Variants in KCNT2 observed in about 807,000 individuals in gnomAD.
The protein encoded by KCNT2 is potassium sodium-activated channel subfamily T member 2, also known as potassium channel subfamily T member 2.
KCNT2 carries 67 observed loss-of-function variants against 153.8 expected under a neutral mutation model. That is an observed-to-expected ratio of 0.44 (90% CI 0.36 to 0.53). The LOEUF (loss-of-function observed/expected upper bound fraction) is 0.53. Ranked by LOEUF, KCNT2 falls within the 20% of genes least tolerant of loss-of-function variation. The pLI, the probability that KCNT2 is intolerant of heterozygous loss-of-function variation, is 0.00. For missense variants in KCNT2, 975 were observed against 1,354.8 expected, an observed-to-expected ratio of 0.72 and a Z score of 4.40; for synonymous variants, 500 against 458.8, an observed-to-expected ratio of 1.09 and a Z score of -1.15.
At chr1:196,595,874 T>A (rs1664000796) in intron 1 of KCNT2, among the ~76,000 whole-genome samples, 1 of 151,746 alleles carries the variant, frequency 6.6e-6, no homozygotes, top group Non-Finnish European at 1.5e-5. Context: ...CAAAGTCCAT[T>A]ATATCACTCG....
intron 26 of KCNT2, among the ~76,000 whole-genome samples, chr1:196,252,591 A>C (rs528460522): frequency 6.6e-6 from 1 of 151,628 alleles, no homozygotes; most frequent in African/African-American, 2.4e-5. Flanking sequence ...TGTACTAAAA[A>C]CCACACAATG....
intron 1 of KCNT2, among the ~76,000 whole-genome samples, chr1:196,501,800 C>A (rs1346898996): frequency 1.3e-5 from 2 of 152,054 alleles, no homozygotes; most frequent in Non-Finnish European, 2.9e-5. Context: ...AACAAGTAAG[C>A]CTCCTATCCA....
intron 14 of KCNT2, among the ~76,000 whole-genome samples, chr1:196,351,886 C>A (rs1475302646): frequency 6.6e-6 from 1 of 152,066 alleles, no homozygotes; most frequent in East Asian, 1.9e-4. Flanking sequence ...CCCATCAATA[C>A]CTAATTTATT....
At chr1:196,345,455 G>T (rs1666060485) in intron 14 of KCNT2, among the ~76,000 whole-genome samples, 1 of 152,142 alleles carries the variant, frequency 6.6e-6, no homozygotes, top group African/African-American at 2.4e-5. Context: ...GGAATTCAGG[G>T]AGGGGGAGAA....
At chr1:196,592,564 ATAGT>A (rs1037658950) in intron 1 of KCNT2, among the ~76,000 whole-genome samples, 1 of 147,330 alleles carries the variant, frequency 6.8e-6, no homozygotes, top group South Asian at 2.1e-4. Context: ...ATGTATTTAT[ATAGT>A]TATAGTTTTA....
chr1:196,468,873 T>G (rs1280622617), intron 6 of KCNT2, 121 bp downstream of exon 6: 2 of 665,938 alleles, frequency 3.0e-6, no homozygotes, highest in Non-Finnish European at 5.3e-6. Context: ...AGTATCATGA[T>G]TCTAACCAAA....
intron 13 of KCNT2, among the ~76,000 whole-genome samples, chr1:196,382,402 C>T (rs943940286): frequency 1.2e-4 from 18 of 151,864 alleles, no homozygotes; most frequent in African/African-American, 3.4e-4. Context: ...CCACCGCGCC[C>T]GGCCTGTTTA....
chr1:196,322,400 G>A (rs984360045), intron 19 of KCNT2, among the ~76,000 whole-genome samples: 2 of 151,264 alleles, frequency 1.3e-5, no homozygotes, highest in African/African-American at 2.4e-5. Flanking sequence ...TACATGAATC[G>A]AAACAAAACA....
chr1:196,544,269 T>C (rs969594944), intron 1 of KCNT2, among the ~76,000 whole-genome samples: 4 of 151,966 alleles, frequency 2.6e-5, no homozygotes, highest in African/African-American at 9.7e-5. Context: ...CAAAACAGAC[T>C]ATATAGCCAC....
At chr1:196,527,070 G>A (rs956023316) in intron 1 of KCNT2, among the ~76,000 whole-genome samples, 4 of 152,088 alleles carry the variant, frequency 2.6e-5, no homozygotes, top group Admixed American at 1.3e-4. Flanking sequence ...TCTAACTAAC[G>A]TCTGATGATC....
intron 1 of KCNT2, among the ~76,000 whole-genome samples, chr1:196,582,087 A>T (rs1485045766): frequency 1.3e-5 from 2 of 152,098 alleles, no homozygotes; most frequent in Non-Finnish European, 2.9e-5. Context: ...TGCCAGTACA[A>T]CGCCAACTTT....
chr1:196,313,112 C>A (rs571136735), intron 21 of KCNT2, among the ~76,000 whole-genome samples: 2 of 151,690 alleles, frequency 1.3e-5, no homozygotes, highest in East Asian at 3.9e-4. Context: ...ATTATCATGA[C>A]TGATCATAGA....
At chr1:196,549,725 G>T (rs931500125) in intron 1 of KCNT2, among the ~76,000 whole-genome samples, 1 of 151,916 alleles carries the variant, frequency 6.6e-6, no homozygotes. Flanking sequence ...TATGAGCCAT[G>T]TGGGTCTTTT....
rs377658518 is a variant in KCNT2 at position 196,252,110 on chromosome 1, TTTTA to T, written c.3211+6080_3211+6083del. Among the ~76,000 whole-genome samples the T allele has an allele frequency of 4.7e-4, 72 of 151,886 alleles. No homozygotes were observed. The East Asian group carries it at 0.014, about 29-fold the overall frequency. On this transcript the variant is annotated intron_variant, in intron 26 of 27. Coordinates refer to ENST00000294725, the MANE Select transcript of KCNT2 (RefSeq NM_198503.5). ...TTTTGCTAGTTGTGTTTTCTTATTG[TTTTA>T]TTATCTCTTCCTTCTTTGAAGTGAG...
chr1:196,407,341 A>AC (rs1445569342), intron 12 of KCNT2, among the ~76,000 whole-genome samples: 2 of 151,530 alleles, frequency 1.3e-5, no homozygotes, highest in African/African-American at 4.8e-5. Context: ...CCAGGGATGT[A>AC]CATCTGTCAA....
intron 21 of KCNT2, among the ~76,000 whole-genome samples, chr1:196,309,420 A>T (rs1246892323): frequency 6.6e-6 from 1 of 151,918 alleles, no homozygotes; most frequent in Non-Finnish European, 1.5e-5. Flanking sequence ...AAGTGAGTGA[A>T]AATATGGTTG....
chr1:196,528,369 GA>G (rs1482811719), intron 1 of KCNT2, among the ~76,000 whole-genome samples: 2 of 152,050 alleles, frequency 1.3e-5, no homozygotes, highest in Non-Finnish European at 2.9e-5. Flanking sequence ...GTTTTCCTCT[GA>G]AAAACAGAAA....
At chr1:196,522,951 G>T (rs1410907263) in intron 1 of KCNT2, among the ~76,000 whole-genome samples, 3 of 152,160 alleles carry the variant, frequency 2.0e-5, no homozygotes, top group Non-Finnish European at 2.9e-5. Flanking sequence ...ATAAAAGCTG[G>T]CCACCCAAGC....
At chr1:196,578,042 C>T (rs991552650) in intron 1 of KCNT2, among the ~76,000 whole-genome samples, 2 of 151,960 alleles carry the variant, frequency 1.3e-5, no homozygotes, top group African/African-American at 4.8e-5. Context: ...CTGCTTTTAG[C>T]ACATTATGGG....
Sources: allele counts gnomAD v4.1 joint callset (sites outside exome capture counted in the v4.1 genomes callset), GRCh38; gene constraint gnomAD v4.1.1; transcripts MANE v1.5; gene names NCBI Gene and HGNC (gene_info 2026-07-23, HGNC 2026-07-21).